The following ATRNL1 variants were observed in gnomAD, a reference collection of about 807,000 sequenced individuals.
ATRNL1 encodes the protein attractin like 1.
In ATRNL1, 95 loss-of-function variants were observed where a neutral mutation model predicts 182.7. The observed-to-expected ratio is 0.52, with a 90% CI of 0.44 to 0.62. The LOEUF is 0.62. Among genes scored for constraint, ATRNL1 ranks in the 20% least tolerant of loss-of-function variants. ATRNL1 has a pLI of 0.00. For missense variants in ATRNL1, 1,471 were observed against 1,679.5 expected, an observed-to-expected ratio of 0.88 and a Z score of 2.17; for synonymous variants, 576 against 568.3, an observed-to-expected ratio of 1.01 and a Z score of -0.19.
At chr10:115,212,774 A>T (rs1415424676) in intron 8 of ATRNL1, among the ~76,000 whole-genome samples, 2 of 152,104 alleles carry the variant, frequency 1.3e-5, no homozygotes, top group South Asian at 2.1e-4. Context: ...GCGTGTTCTC[A>T]CTTATAAGTG....
At position 115,433,926 on chromosome 10, in the gene ATRNL1, T is replaced by C. The variant is rs937041749; in HGVS notation, c.3322+7624T>C. Among the ~76,000 whole-genome samples the C allele has an allele frequency of 3.3e-5, 5 of 152,256 alleles. No individual in the cohort carries two copies. In the South Asian group the frequency reaches 1.0e-3, roughly 32 times the overall value. ...CCACCAGGTCCCCCAAGTTGAGTTG[T>C]GTAGTATGTATCCTTTGTAAGGGTA... On this transcript the variant is annotated intron_variant, in intron 21 of 28. Coordinates refer to ENST00000355044, the MANE Select transcript of ATRNL1 (RefSeq NM_207303.4).
intron 26 of ATRNL1, among the ~76,000 whole-genome samples, chr10:115,664,729 A>T (rs191552664): frequency 2.0e-5 from 3 of 152,136 alleles, no homozygotes; most frequent in African/African-American, 7.2e-5. Flanking sequence ...TTTTTTAGGT[A>T]TAGAAAAAAA....
chr10:115,771,278 C>T (rs1214041853), intron 27 of ATRNL1, among the ~76,000 whole-genome samples: 3 of 150,788 alleles, frequency 2.0e-5, no homozygotes, highest in East Asian at 2.0e-4. Context: ...TCGCCCAGGC[C>T]GGACTGCAGT....
intron 26 of ATRNL1, among the ~76,000 whole-genome samples, chr10:115,595,625 TA>T (rs1177854974): frequency 6.6e-6 from 1 of 152,194 alleles, no homozygotes; most frequent in Non-Finnish European, 1.5e-5. Flanking sequence ...ATCTATTTAT[TA>T]TCTTTTCCTT....
intron 19 of ATRNL1, among the ~76,000 whole-genome samples, chr10:115,382,376 AT>A (rs1242222918): frequency 6.6e-6 from 1 of 151,924 alleles, no homozygotes; most frequent in Non-Finnish European, 1.5e-5. Context: ...ACATTTTATA[AT>A]TTTTTACAGT....
chr10:115,420,884 G>A (rs1300085914), intron 20 of ATRNL1, among the ~76,000 whole-genome samples: 1 of 152,008 alleles, frequency 6.6e-6, no homozygotes, highest in Non-Finnish European at 1.5e-5. Context: ...TGATACCACA[G>A]CAATACAAAG....
At chr10:115,225,087 T>A (rs1270189504) in intron 9 of ATRNL1, among the ~76,000 whole-genome samples, 1 of 152,102 alleles carries the variant, frequency 6.6e-6, no homozygotes, top group African/African-American at 2.4e-5. Flanking sequence ...AAAATTTTAG[T>A]ATTGTCTTTT....
chr10:115,300,122 A>G lies in ATRNL1; in HGVS notation c.2504A>G (p.Gln835Arg). The change falls in exon 16 of 29, where the codon CAG becomes CGG. Residue 835 changes from glutamine (Q) to arginine (R), a missense_variant. Gln to Arg is a conservative substitution (Grantham distance 43). Transcript: ENST00000355044. ...TCTCCTTTTACAAACACAACACTAC[A>G]GTGGCTTCCTGGCGAACCCAATGAT... Reference protein sequence around the residue: ...DMSPFTNTTLQWLPGEPNDSG... With the variant: ...DMSPFTNTTLRWLPGEPNDSG... 5 of 1,614,084 alleles carry G rather than the reference A, an allele frequency of 3.1e-6. No homozygotes were observed. Among genetic ancestry groups the G allele is most frequent in the South Asian group, 1.1e-5 (1 of 91,082 alleles).
chr10:115,743,301 T>A (rs1555068196), intron 27 of ATRNL1, among the ~76,000 whole-genome samples: 5 of 151,036 alleles, frequency 3.3e-5, no homozygotes, highest in African/African-American at 1.2e-4. Flanking sequence ...ATGGATCTGA[T>A]ACTACCATTC....
chr10:115,450,343 T>C (rs1265789408), intron 21 of ATRNL1, among the ~76,000 whole-genome samples: 1 of 152,086 alleles, frequency 6.6e-6, no homozygotes, highest in African/African-American at 2.4e-5. Context: ...AGTCAAACTA[T>C]CCCTCTTTCC....
At chr10:115,400,791 A>G (rs1273603224) in intron 20 of ATRNL1, among the ~76,000 whole-genome samples, 1 of 151,928 alleles carries the variant, frequency 6.6e-6, no homozygotes, top group African/African-American at 2.4e-5. Flanking sequence ...TTCATTTGGT[A>G]GGTAGATTTT....
intron 8 of ATRNL1, among the ~76,000 whole-genome samples, chr10:115,184,591 T>C (rs2144184950): frequency 6.6e-6 from 1 of 151,294 alleles, no homozygotes; most frequent in Admixed American, 6.6e-5. Flanking sequence ...TTACAAGGGG[T>C]GGTAGAGAAT....
chr10:115,707,488 T>G lies in ATRNL1; in HGVS notation c.3796-19760T>G, dbSNP rs1946937114. On this transcript the variant is annotated intron_variant, in intron 26 of 28. Coordinates refer to ENST00000355044, the MANE Select transcript of ATRNL1 (RefSeq NM_207303.4). Reference sequence around the variant, plus strand: ...CATTCACAATATCATATTAAGTTTATTGGCCCTCCCCTATTCCATCTCCCC... The same window carrying G: ...CATTCACAATATCATATTAAGTTTAGTGGCCCTCCCCTATTCCATCTCCCC... 2.0e-5 allele frequency among the ~76,000 whole-genome samples: 3 copies of G among 151,722 alleles called. No homozygotes were observed. In the Admixed American group the frequency reaches 2.0e-4, roughly 10 times the overall value.
chr10:115,944,719 T>C lies in ATRNL1; in HGVS notation c.4080T>C (p.Asp1360=), dbSNP rs1365804702. The change falls in exon 29 of 29, where the codon GAT becomes GAC. Residue 1360 remains aspartate (D), a synonymous_variant. Coordinates refer to ENST00000355044, the MANE Select transcript of ATRNL1 (RefSeq NM_207303.4). ...ISQQKASDSK[D]KTSGVRNRKH... is the part of the protein sequence containing the mutation. ...AACAGAAAGCTTCAGATAGTAAAGA[T>C]AAGACTTCTGGAGTCCGGAATCGAA... The C allele has an allele frequency of 1.2e-6, 2 of 1,613,616 alleles. No individual in the cohort carries two copies. Among genetic ancestry groups the C allele is most frequent in the African/African-American group, 2.7e-5 (2 of 74,908 alleles).
chr10:115,335,893 C>T (rs1855458244), intron 19 of ATRNL1, among the ~76,000 whole-genome samples: 1 of 152,000 alleles, frequency 6.6e-6, no homozygotes, highest in Non-Finnish European at 1.5e-5. Flanking sequence ...ATGTGGAACC[C>T]ATGGGTAAGG....
intron 26 of ATRNL1, among the ~76,000 whole-genome samples, chr10:115,587,280 A>C (rs1481648311): frequency 6.6e-6 from 1 of 152,098 alleles, no homozygotes; most frequent in Non-Finnish European, 1.5e-5. Flanking sequence ...GGTGGGCTCC[A>C]CCCAGTTCAG....
At chr10:115,152,062 C>T (rs955150264) in intron 5 of ATRNL1, among the ~76,000 whole-genome samples, 2 of 152,106 alleles carry the variant, frequency 1.3e-5, no homozygotes, top group Non-Finnish European at 2.9e-5. Context: ...TGCTCTGTTC[C>T]ATTGATCTAT....
intron 15 of ATRNL1, among the ~76,000 whole-genome samples, chr10:115,297,529 C>T (rs1853259216): frequency 6.6e-6 from 1 of 151,822 alleles, no homozygotes; most frequent in African/African-American, 2.4e-5. Context: ...CCTGTAGTCC[C>T]AGCTACTCAG....
At position 115,727,722 on chromosome 10, in the gene ATRNL1, A is replaced by G. The variant is rs576658772; in HGVS notation, c.3903+367A>G. Among the ~76,000 whole-genome samples the G allele has an allele frequency of 1.2e-3, 182 of 152,314 alleles. 1 individual carries two copies. Among genetic ancestry groups the G allele is most frequent in the African/African-American group, 4.2e-3 (174 of 41,580 alleles). ...ACAATTCACATCTATCTTTATTAACAAAGTTTACTTAGAAAAGGTACGAGT... is the reference window on the plus strand; with the variant it reads ...ACAATTCACATCTATCTTTATTAACGAAGTTTACTTAGAAAAGGTACGAGT... On this transcript the variant is annotated intron_variant, in intron 27 of 28. Coordinates refer to ENST00000355044, the MANE Select transcript of ATRNL1 (RefSeq NM_207303.4).
Sources: gnomAD v4.1 joint callset for allele counts (sites outside exome capture counted in the v4.1 genomes callset) on GRCh38, gnomAD v4.1.1 for gene constraint, MANE v1.5 for transcripts, NCBI Gene and HGNC (gene_info 2026-07-23, HGNC 2026-07-21) for gene names.